SKAP1: variants seen among roughly 807,000 people sequenced by gnomAD.
SKAP1 encodes src kinase-associated phosphoprotein 1.
A neutral mutation model predicts 58.5 loss-of-function variants in SKAP1; 44 were observed. The observed-to-expected ratio is 0.75, with a 90% CI of 0.59 to 0.97. The LOEUF is 0.97. SKAP1 is among the 50% of genes least tolerant of loss of function. The pLI is 0.00. For synonymous variants in SKAP1, 127 were observed against 149.7 expected (o/e 0.85, Z 1.11); for missense variants, 390 against 435.2 (o/e 0.90, Z 0.92).
intron 4 of SKAP1, among the ~76,000 whole-genome samples, chr17:48,283,170 CA>C (rs1475130675): frequency 1.6e-4 from 24 of 152,112 alleles, no homozygotes; most frequent in Non-Finnish European, 4.4e-5. Flanking sequence ...TGAGTCAAGA[CA>C]AACAAGCTTC....
intron 11 of SKAP1, chr17:48,156,408 T>C (rs369582929): frequency 2.9e-5 from 12 of 415,232 alleles, no homozygotes; most frequent in African/African-American, 2.1e-4. Context: ...TCAGGAGCCA[T>C]TGGTTACGTA....
At position 48,162,474 on chromosome 17, in the gene SKAP1, T is replaced by G; in HGVS notation, c.973A>C (p.Ser325Arg). Reference protein sequence around the residue: ...FQRGDLIRILSKEYNMYGWWV... With the variant: ...FQRGDLIRILRKEYNMYGWWV... ...CCCACACTTTCTGTCCTTACCTTGCTCAGAATACGGATGAGGTCACCCCGT... is the reference window on the plus strand; with the variant it reads ...CCCACACTTTCTGTCCTTACCTTGCGCAGAATACGGATGAGGTCACCCCGT... The change falls in exon 11 of 13, where the codon AGC becomes CGC. Residue 325 changes from serine to arginine, a missense_variant. Coordinates refer to ENST00000336915, the MANE Select transcript of SKAP1 (RefSeq NM_003726.4). 3 of 1,612,360 alleles carry G rather than the reference T, an allele frequency of 1.9e-6. No individual in the cohort carries two copies. Among genetic ancestry groups the G allele is most frequent in the Non-Finnish European group, 2.5e-6 (3 of 1,178,620 alleles).
chr17:48,149,211 A>G (rs1414522337), intron 11 of SKAP1, among the ~76,000 whole-genome samples: 1 of 152,234 alleles, frequency 6.6e-6, no homozygotes, highest in Non-Finnish European at 1.5e-5. Flanking sequence ...GACTCTGTCT[A>G]TATTTTTAAT....
intron 7 of SKAP1, among the ~76,000 whole-genome samples, chr17:48,182,694 G>C (rs2064385936): frequency 6.6e-6 from 1 of 152,156 alleles, no homozygotes; most frequent in Non-Finnish European, 1.5e-5. Flanking sequence ...TCATGTCCTT[G>C]TGCATTCTTT....
chr17:48,162,283 A>G (rs969284422), intron 11 of SKAP1, among the ~76,000 whole-genome samples, 186 bp downstream of exon 11: 3 of 152,210 alleles, frequency 2.0e-5, no homozygotes, highest in Non-Finnish European at 1.5e-5. Context: ...GTATTTTTAA[A>G]TGTGAAAATG....
intron 1 of SKAP1, among the ~76,000 whole-genome samples, chr17:48,408,878 G>A (rs1283838754): frequency 6.6e-6 from 1 of 152,200 alleles, no homozygotes; most frequent in Non-Finnish European, 1.5e-5. Context: ...GCAGGTGCCT[G>A]AGCAACTTCA....
chr17:48,358,366 A>T (rs1179851784), intron 3 of SKAP1, among the ~76,000 whole-genome samples: 1 of 152,002 alleles, frequency 6.6e-6, no homozygotes, highest in African/African-American at 2.4e-5. Context: ...TCTTTTTTTT[A>T]AAGTGTAAAG....
intron 4 of SKAP1, among the ~76,000 whole-genome samples, chr17:48,223,433 T>C (rs961566108): frequency 8.5e-5 from 13 of 152,204 alleles, no homozygotes; most frequent in African/African-American, 3.1e-4. Flanking sequence ...CACTCCCTTA[T>C]ATTCTGGATA....
upstream of SKAP1, among the ~76,000 whole-genome samples, chr17:48,435,182 C>T (rs1163415694): frequency 6.6e-6 from 1 of 151,818 alleles, no homozygotes; most frequent in African/African-American, 2.4e-5. Flanking sequence ...TCTTCTTTAT[C>T]TTATCTATCA....
At chr17:48,396,637 T>C (rs2067420883) in intron 2 of SKAP1, 43 bp downstream of exon 2, 1 of 1,268,508 alleles carries the variant, frequency 7.9e-7, no homozygotes, top group Non-Finnish European at 1.1e-6. Flanking sequence ...ATAAATTGTT[T>C]TAAAGCTTAT....
intron 4 of SKAP1, among the ~76,000 whole-genome samples, chr17:48,199,414 C>A (rs2064695379): frequency 6.6e-6 from 1 of 152,226 alleles, no homozygotes; most frequent in African/African-American, 2.4e-5. Flanking sequence ...ATGCCATGCA[C>A]TTTACACTGC....
At chr17:48,272,837 G>A (rs1451088226) in intron 4 of SKAP1, among the ~76,000 whole-genome samples, 1 of 152,216 alleles carries the variant, frequency 6.6e-6, no homozygotes, top group African/African-American at 2.4e-5. Flanking sequence ...GATTACAGGT[G>A]TGAGCCACTG....
upstream of SKAP1, among the ~76,000 whole-genome samples, chr17:48,433,336 G>C (rs1403704933): frequency 6.6e-6 from 1 of 152,204 alleles, no homozygotes; most frequent in Non-Finnish European, 1.5e-5. Flanking sequence ...AAATATCAAA[G>C]CAATCTGGAG....
chr17:48,185,472 G>A (rs2143492433), intron 6 of SKAP1, among the ~76,000 whole-genome samples: 1 of 152,184 alleles, frequency 6.6e-6, no homozygotes, highest in Admixed American at 6.5e-5. Flanking sequence ...AAAAGGAAAA[G>A]GACCATAAGT....
chr17:48,269,967 C>T (rs1270614988), intron 4 of SKAP1, among the ~76,000 whole-genome samples: 2 of 151,932 alleles, frequency 1.3e-5, no homozygotes, highest in Admixed American at 1.3e-4. Context: ...ACAAGATTAG[C>T]CAGGCATGGT....
At chr17:48,339,839 A>G (rs1172307798) in intron 4 of SKAP1, among the ~76,000 whole-genome samples, 3 of 152,140 alleles carry the variant, frequency 2.0e-5, no homozygotes, top group Non-Finnish European at 4.4e-5. Flanking sequence ...ACTCACAATA[A>G]TGGGGATCTC....
chr17:48,244,734 A>G (rs1194479147), intron 4 of SKAP1, among the ~76,000 whole-genome samples: 1 of 152,238 alleles, frequency 6.6e-6, no homozygotes, highest in Non-Finnish European at 1.5e-5. Flanking sequence ...CAAACTGCCT[A>G]GCAAAAAGCA....
intron 4 of SKAP1, among the ~76,000 whole-genome samples, chr17:48,235,956 G>A (rs902268181): frequency 6.6e-6 from 1 of 152,204 alleles, no homozygotes; most frequent in African/African-American, 2.4e-5. Flanking sequence ...ATTGATTTAA[G>A]AGGAAAGCCA....
At position 48,180,201 on chromosome 17, in the gene SKAP1, C is replaced by T. The variant is rs759135604; in HGVS notation, c.679G>A (p.Glu227Lys). ...ATATCATCATATGTCTCTTCTTTTT[C>T]TTCTTCCTCCTCATCCTCTTCATAT... Reference protein sequence around the residue: ...IPYEEDEEEEEKEETYDDIDG... With the variant: ...IPYEEDEEEEKKEETYDDIDG... The change falls in exon 9 of 13, where the codon GAA becomes AAA. Residue 227 changes from glutamate to lysine, a missense_variant. Coordinates refer to ENST00000336915, the MANE Select transcript of SKAP1 (RefSeq NM_003726.4). The T allele has an allele frequency of 3.9e-5, 63 of 1,610,498 alleles. No individual in the cohort carries two copies. The highest frequency in any genetic ancestry group is 1.6e-4 in the Middle Eastern group (1 of 6,074).
Sources: allele counts gnomAD v4.1 joint callset (sites outside exome capture counted in the v4.1 genomes callset), GRCh38; gene constraint gnomAD v4.1.1; transcripts MANE v1.5; gene names NCBI Gene and HGNC (gene_info 2026-07-23, HGNC 2026-07-21).